The following HORMAD2 variants were observed in gnomAD, a reference collection of about 807,000 sequenced individuals.
HORMAD2 encodes the protein HORMA domain containing 2.
A neutral mutation model predicts 38.8 loss-of-function variants in HORMAD2; 45 were observed. That is an observed-to-expected ratio of 1.16 (90% confidence interval 0.91 to 1.49). HORMAD2 has a LOEUF of 1.49. Ranked by LOEUF, HORMAD2 falls within the 40% of genes most tolerant of loss-of-function variation. The pLI is 0.00. For synonymous variants in HORMAD2, 126 were observed against 122.8 expected, an observed-to-expected ratio of 1.03 and a Z score of -0.17; for missense variants, 338 against 367.0, an observed-to-expected ratio of 0.92 and a Z score of 0.65.
chr22:30,112,291 A>T (rs1392059869), intron 6 of HORMAD2, among the ~76,000 whole-genome samples: 1 of 152,136 alleles, frequency 6.6e-6, no homozygotes, highest in East Asian at 1.9e-4. Flanking sequence ...TGAATCCTTC[A>T]TTATTAATTT....
At chr22:30,124,032 C>T (rs943417585) in intron 10 of HORMAD2, among the ~76,000 whole-genome samples, 8 of 151,278 alleles carry the variant, frequency 5.3e-5, no homozygotes, top group South Asian at 4.2e-4. Flanking sequence ...AACCTAAGAA[C>T]GCATAGTTCA....
the HORMAD2 span, among the ~76,000 whole-genome samples, chr22:30,195,721 A>C: frequency 1.3e-5 from 2 of 152,234 alleles, no homozygotes; most frequent in African/African-American, 4.8e-5. Context: ...CTTGTACTAC[A>C]TCTTACCATC....
At chr22:30,088,818 C>T (rs2068631189) in intron 1 of HORMAD2, among the ~76,000 whole-genome samples, 1 of 151,834 alleles carries the variant, frequency 6.6e-6, no homozygotes, top group Admixed American at 6.6e-5. Context: ...AGACTAATAA[C>T]TACCCCAGTA....
intron 10 of HORMAD2, among the ~76,000 whole-genome samples, chr22:30,162,107 G>A (rs116574350): frequency 0.01 from 1,559 of 152,276 alleles, 25 homozygotes; most frequent in African/African-American, 0.036. Flanking sequence ...TAGCCCAGCA[G>A]TTTGAGACCA....
At chr22:30,089,271 A>G (rs1202112882) in intron 1 of HORMAD2, among the ~76,000 whole-genome samples, 1 of 152,226 alleles carries the variant, frequency 6.6e-6, no homozygotes, top group African/African-American at 2.4e-5. Flanking sequence ...TATTTTGGTC[A>G]GAACTTCATA....
chr22:30,150,758 A>T (rs1351464027), intron 10 of HORMAD2, among the ~76,000 whole-genome samples: 3 of 152,208 alleles, frequency 2.0e-5, no homozygotes, highest in African/African-American at 4.8e-5. Flanking sequence ...CCAAATAGAG[A>T]TAGAGGACTG....
chr22:30,169,654 A>C (rs1925991240), intron 10 of HORMAD2, among the ~76,000 whole-genome samples: 1 of 152,206 alleles, frequency 6.6e-6, no homozygotes, highest in Non-Finnish European at 1.5e-5. Context: ...CCTTAGATCC[A>C]GTTCACATAG....
intron 7 of HORMAD2, among the ~76,000 whole-genome samples, chr22:30,114,424 C>T (rs2146114945): frequency 6.6e-6 from 1 of 152,238 alleles, no homozygotes; most frequent in Non-Finnish European, 1.5e-5. Context: ...GCCTAAAAAG[C>T]ATCCACAAGT....
chr22:30,160,856 T>C (rs5753028), intron 10 of HORMAD2, among the ~76,000 whole-genome samples: 13,491 of 152,252 alleles, frequency 0.089, 1,033 homozygotes, highest in South Asian at 0.23. Context: ...TCTCATTTTG[T>C]GTTAGAAATT....
intron 1 of HORMAD2, among the ~76,000 whole-genome samples, chr22:30,085,614 T>C (rs1296092226): frequency 6.6e-6 from 1 of 151,922 alleles, no homozygotes; most frequent in African/African-American, 2.4e-5. Flanking sequence ...ATTAGCTGGA[T>C]GTGGTGGCAC....
At chr22:30,077,797 G>C (rs2068402365), upstream of HORMAD2, among the ~76,000 whole-genome samples, 1 of 152,158 alleles carries the variant, frequency 6.6e-6, no homozygotes. Flanking sequence ...ACTAGACTTG[G>C]AGTATTTCTA....
chr22:30,171,232 A>T (rs930267430), intron 10 of HORMAD2, among the ~76,000 whole-genome samples: 8 of 152,164 alleles, frequency 5.3e-5, no homozygotes, highest in African/African-American at 9.7e-5. Flanking sequence ...TATGACTTTC[A>T]AATTTACATC....
chr22:30,196,837 T>A, the HORMAD2 span, among the ~76,000 whole-genome samples: 1 of 152,194 alleles, frequency 6.6e-6, no homozygotes, highest in Non-Finnish European at 1.5e-5. Context: ...CAGCCTGACA[T>A]GAAATTGCTC....
chr22:30,207,371 GA>G, the HORMAD2 span, among the ~76,000 whole-genome samples: 2 of 152,148 alleles, frequency 1.3e-5, no homozygotes, highest in Admixed American at 6.5e-5. Context: ...CACTGATTAG[GA>G]AGCAAGAAGA....
chr22:30,105,925 T>A (rs1348384399), intron 5 of HORMAD2, among the ~76,000 whole-genome samples: 1 of 152,176 alleles, frequency 6.6e-6, no homozygotes, highest in East Asian at 1.9e-4. Context: ...GAACGTTGCT[T>A]CCAGGAGGCC....
chr22:30,131,327 T>C (rs1923269414), intron 10 of HORMAD2, among the ~76,000 whole-genome samples: 1 of 152,196 alleles, frequency 6.6e-6, no homozygotes, highest in African/African-American at 2.4e-5. Flanking sequence ...TCATTATAGT[T>C]CTTTGAGAAT....
At chr22:30,136,992 T>C (rs968819129) in intron 10 of HORMAD2, 45 of 496,034 alleles carry the variant, frequency 9.1e-5, no homozygotes, top group African/African-American at 6.0e-4. Context: ...GACCTGTTAG[T>C]GTCAATTGTA....
chr22:30,116,293 A>C (rs914302222), intron 7 of HORMAD2, among the ~76,000 whole-genome samples: 1 of 152,140 alleles, frequency 6.6e-6, no homozygotes, highest in African/African-American at 2.4e-5. Flanking sequence ...AATCAAGATA[A>C]CTTTTGGATT....
chr22:30,151,685 T>G (rs1924759385), intron 10 of HORMAD2, among the ~76,000 whole-genome samples: 1 of 152,220 alleles, frequency 6.6e-6, no homozygotes, highest in Non-Finnish European at 1.5e-5. Context: ...TTTGCATGTT[T>G]TAAAATTTCT....
Sources: gnomAD v4.1 joint callset for allele counts (sites outside exome capture counted in the v4.1 genomes callset) on GRCh38, gnomAD v4.1.1 for gene constraint, MANE v1.5 for transcripts, NCBI Gene and HGNC (gene_info 2026-07-23, HGNC 2026-07-21) for gene names.